Variants in ENTREP2 observed in about 807,000 individuals in gnomAD.
ENTREP2 encodes endosomal transmembrane epsin interactor 2.
chr15:29,601,058 C>T, the ENTREP2 span, among the ~76,000 whole-genome samples: 12 of 151,056 alleles, frequency 7.9e-5, no homozygotes, highest in Non-Finnish European at 1.0e-4. Flanking sequence ...CCACCACGCC[C>T]GGCTAATTTT....
the ENTREP2 span, chr15:29,122,706 G>A: frequency 6.6e-6 from 1 of 152,262 alleles, no homozygotes; most frequent in Non-Finnish European, 1.5e-5. Context: ...TGTTCCCTGG[G>A]GGGGGCCGGG....
the ENTREP2 span, among the ~76,000 whole-genome samples, chr15:29,584,881 T>C: frequency 1.3e-5 from 2 of 152,186 alleles, no homozygotes; most frequent in Admixed American, 6.5e-5. Flanking sequence ...ATGGAAACAA[T>C]TTCATAATGT....
the ENTREP2 span, among the ~76,000 whole-genome samples, chr15:29,571,138 C>A: frequency 6.6e-5 from 10 of 151,686 alleles, no homozygotes; most frequent in South Asian, 1.9e-3. Context: ...ACCCGGGAGC[C>A]GGGAGAGGGG....
chr15:29,303,429 A>G, the ENTREP2 span, among the ~76,000 whole-genome samples: 54 of 152,098 alleles, frequency 3.6e-4, no homozygotes, highest in Non-Finnish European at 5.7e-4. Context: ...ATGCTGACAC[A>G]TAAAACCAAC....
the ENTREP2 span, among the ~76,000 whole-genome samples, chr15:29,471,758 C>T: frequency 6.6e-6 from 1 of 152,246 alleles, no homozygotes; most frequent in Admixed American, 6.5e-5. Context: ...CAATTAGTCA[C>T]ACTGATCTAC....
At chr15:29,359,231 G>T in the ENTREP2 span, among the ~76,000 whole-genome samples, 2 of 152,100 alleles carry the variant, frequency 1.3e-5, no homozygotes, top group East Asian at 1.9e-4. Flanking sequence ...GAACACGAAG[G>T]AGTGTTTTCT....
the ENTREP2 span, among the ~76,000 whole-genome samples, chr15:29,346,971 T>C: frequency 6.6e-6 from 1 of 152,306 alleles, no homozygotes; most frequent in South Asian, 2.1e-4. Context: ...GTTAAAACTA[T>C]AGCTTCTGAT....
the ENTREP2 span, among the ~76,000 whole-genome samples, chr15:29,405,539 C>T: frequency 6.6e-6 from 1 of 152,180 alleles, no homozygotes; most frequent in African/African-American, 2.4e-5. Context: ...CAGGTCACTC[C>T]ATGGGTGGGG....
the ENTREP2 span, among the ~76,000 whole-genome samples, chr15:29,206,692 G>A: frequency 4.8e-3 from 733 of 152,212 alleles, 9 homozygotes; most frequent in Middle Eastern, 0.031. Flanking sequence ...TTTTTTTGAG[G>A]TGATGAAAAT....
chr15:29,353,315 C>A, the ENTREP2 span, among the ~76,000 whole-genome samples: 1 of 152,150 alleles, frequency 6.6e-6, no homozygotes, highest in Non-Finnish European at 1.5e-5. Context: ...CAAAAGAGAA[C>A]TGGCCATGAA....
At chr15:29,478,841 G>GT in the ENTREP2 span, among the ~76,000 whole-genome samples, 2 of 146,372 alleles carry the variant, frequency 1.4e-5, no homozygotes, top group African/African-American at 2.5e-5. Flanking sequence ...GGAGGCGGAG[G>GT]TTGCAGTGAG....
chr15:29,657,045 T>C, the ENTREP2 span, among the ~76,000 whole-genome samples: 1 of 151,992 alleles, frequency 6.6e-6, no homozygotes, highest in East Asian at 1.9e-4. Context: ...TCGTGGTGAG[T>C]GTTACAGCTC....
At chr15:29,126,246 G>C in the ENTREP2 span, 4 of 1,447,880 alleles carry the variant, frequency 2.8e-6, no homozygotes, top group Non-Finnish European at 2.7e-6. Flanking sequence ...CTGGGGACAT[G>C]GGTGAGCCTG....
chr15:29,319,654 C>G, the ENTREP2 span, among the ~76,000 whole-genome samples: 1 of 152,316 alleles, frequency 6.6e-6, no homozygotes, highest in South Asian at 2.1e-4. Context: ...GCTGAACAAA[C>G]AGAAACTCAG....
the ENTREP2 span, among the ~76,000 whole-genome samples, chr15:29,228,951 TTTC>T: frequency 2.1e-4 from 32 of 152,306 alleles, no homozygotes; most frequent in African/African-American, 7.5e-4. Context: ...TGGTGAATCT[TTTC>T]TTTTCTTTTT....
the ENTREP2 span, among the ~76,000 whole-genome samples, chr15:29,587,535 G>T: frequency 6.6e-6 from 1 of 152,098 alleles, no homozygotes; most frequent in Admixed American, 6.5e-5. Flanking sequence ...AAAACTCACT[G>T]GTTGCCCTCA....
chr15:29,479,416 ATTTC>A, the ENTREP2 span, among the ~76,000 whole-genome samples: 1 of 151,946 alleles, frequency 6.6e-6, no homozygotes, highest in Non-Finnish European at 1.5e-5. Flanking sequence ...AGGGTCAGGT[ATTTC>A]TTTATAGCGA....
the ENTREP2 span, chr15:29,234,954 T>A: frequency 6.6e-7 from 1 of 1,523,218 alleles, no homozygotes; most frequent in Non-Finnish European, 9.1e-7. Flanking sequence ...TATTCTCCAG[T>A]GTCATTCCAA....
the ENTREP2 span, among the ~76,000 whole-genome samples, chr15:29,237,481 A>C: frequency 6.6e-6 from 1 of 151,980 alleles, no homozygotes; most frequent in Non-Finnish European, 1.5e-5. Flanking sequence ...ATTTAATCCC[A>C]TTAGGTTGGT....
Sources: gnomAD v4.1 joint callset for allele counts (sites outside exome capture counted in the v4.1 genomes callset) on GRCh38, gnomAD v4.1.1 for gene constraint, MANE v1.5 for transcripts, NCBI Gene and HGNC (gene_info 2026-07-23, HGNC 2026-07-21) for gene names.